ANKRD17: variants seen among roughly 807,000 people sequenced by gnomAD.
The protein encoded by ANKRD17 is ankyrin repeat domain-containing protein 17.
In ANKRD17, 19 loss-of-function variants were observed where a neutral mutation model predicts 229.7. That is an observed-to-expected ratio of 0.08 (90% CI 0.06 to 0.12). ANKRD17 has a LOEUF of 0.12. Ranked by LOEUF, ANKRD17 falls within the 10% of genes least tolerant of loss-of-function variation. The pLI is 1.00. For missense variants in ANKRD17, 2,176 were observed against 3,176.8 expected (o/e 0.68, Z 7.57); for synonymous variants, 1,112 against 1,146.1 (o/e 0.97, Z 0.60).
intron 1 of ANKRD17, among the ~76,000 whole-genome samples, chr4:73,250,041 G>C (rs564044453): frequency 6.6e-6 from 1 of 151,998 alleles, no homozygotes; most frequent in African/African-American, 2.4e-5. Context: ...AATCTATTTT[G>C]TGCAGATGTA....
At chr4:73,219,036 T>G (rs1299023555) in intron 1 of ANKRD17, among the ~76,000 whole-genome samples, 1 of 152,178 alleles carries the variant, frequency 6.6e-6, no homozygotes, top group Admixed American at 6.5e-5. Context: ...CACTCCAGCC[T>G]GGCAACACAG....
chr4:73,226,724 T>A (rs1005393565), intron 1 of ANKRD17, among the ~76,000 whole-genome samples: 2 of 152,070 alleles, frequency 1.3e-5, no homozygotes, highest in African/African-American at 4.8e-5. Context: ...TCTTTCTTTT[T>A]CTTTTTTGAG....
At chr4:73,163,418 G>A (rs1187637062) in intron 2 of ANKRD17, among the ~76,000 whole-genome samples, 3 of 152,146 alleles carry the variant, frequency 2.0e-5, no homozygotes, top group East Asian at 3.9e-4. Context: ...GCCCTACGAT[G>A]TACTGATCCA....
intron 11 of ANKRD17, among the ~76,000 whole-genome samples, chr4:73,143,172 T>C (rs964770281): frequency 2.6e-5 from 4 of 152,236 alleles, no homozygotes; most frequent in Admixed American, 2.6e-4. Context: ...ATGGGCTTTA[T>C]GTAGAGAATA....
chr4:73,190,162 A>G (rs1049489767), intron 1 of ANKRD17, among the ~76,000 whole-genome samples: 3 of 152,148 alleles, frequency 2.0e-5, no homozygotes, highest in African/African-American at 7.2e-5. Context: ...TGAGGTCAGG[A>G]GTTCGAGACC....
At chr4:73,222,876 C>G in intron 1 of ANKRD17, 16 of 972,396 alleles carry the variant, frequency 1.6e-5, no homozygotes, top group Middle Eastern at 2.1e-4. Context: ...CTTCTCTTTG[C>G]TCTCTCCTCT....
intron 16 of ANKRD17, among the ~76,000 whole-genome samples, chr4:73,131,950 C>T (rs748696223): frequency 6.6e-6 from 1 of 152,054 alleles, no homozygotes; most frequent in African/African-American, 2.4e-5. Context: ...TTTGTCACAG[C>T]ACAGTATTAT....
chr4:73,106,576 C>T (rs936529360), intron 24 of ANKRD17, among the ~76,000 whole-genome samples: 31 of 152,050 alleles, frequency 2.0e-4, no homozygotes, highest in African/African-American at 7.5e-4. Flanking sequence ...AGGCATCCCA[C>T]CTGTGTATTA....
chr4:73,190,412 T>C (rs777559384), intron 1 of ANKRD17, among the ~76,000 whole-genome samples: 10 of 151,896 alleles, frequency 6.6e-5, no homozygotes, highest in Non-Finnish European at 1.3e-4. Context: ...CTAAGATATA[T>C]ATTATTGTAG....
At chr4:73,194,398 T>C (rs1578347961) in intron 1 of ANKRD17, among the ~76,000 whole-genome samples, 2 of 152,254 alleles carry the variant, frequency 1.3e-5, no homozygotes, top group African/African-American at 2.4e-5. Context: ...TCAAGTATTA[T>C]GTATCTTCCC....
At position 73,140,048 on chromosome 4, in the gene ANKRD17, C is replaced by T; in HGVS notation, c.2568G>A (p.Glu856=). 6.2e-7 allele frequency: 1 copy of T among 1,614,118 alleles called. No individual in the cohort carries two copies. Among genetic ancestry groups the T allele is most frequent in the Non-Finnish European group, 8.5e-7 (1 of 1,180,030 alleles). The change falls in exon 15 of 34, where the codon GAG becomes GAA. Residue 856 remains glutamate, a synonymous_variant. Coordinates refer to ENST00000358602, the MANE Select transcript of ANKRD17 (RefSeq NM_032217.5). ...TCTTTTGTTTCTTCTGAATTTGTTC[C>T]TCCCTTGTTTTGTTGAGCTCCTCGA... ...EKIEELNKTR[E]EQIQKKQKIL... is the part of the protein sequence containing the mutation.
chr4:73,144,982 T>A (rs1348021778), intron 10 of ANKRD17, 150 bp from the exon 11 acceptor site: 14 of 545,046 alleles, frequency 2.6e-5, no homozygotes, highest in Non-Finnish European at 3.7e-5. Flanking sequence ...AATATACTTT[T>A]AAATTTAAAA....
intron 2 of ANKRD17, among the ~76,000 whole-genome samples, chr4:73,175,048 T>C (rs906785420): frequency 6.6e-6 from 1 of 152,218 alleles, no homozygotes; most frequent in African/African-American, 2.4e-5. Context: ...ACTAATGACA[T>C]TATTTACAGA....
At position 73,153,990 on chromosome 4, in the gene ANKRD17, C is replaced by G; in HGVS notation, c.1124G>C (p.Gly375Ala). 1 of 1,613,740 alleles carries G rather than the reference C, an allele frequency of 6.2e-7. No homozygotes were observed. The highest frequency in any genetic ancestry group is 1.3e-5 in the African/African-American group (1 of 75,004). ...ENGHTPLMEA[G>A]SAGHVEVARL... ...GGCTACTTCCACATGTCCAGCACTT[C>G]CAGCTTCCATAAGAGGGGTATGACC... The change falls in exon 6 of 34, where the codon GGA (glycine) becomes GCA (alanine). Residue 375 changes from glycine to alanine, a missense_variant. By Grantham distance (60) the Gly-to-Ala change is moderately conservative (BLOSUM62 0). Coordinates refer to ENST00000358602, the MANE Select transcript of ANKRD17 (RefSeq NM_032217.5).
intron 6 of ANKRD17, among the ~76,000 whole-genome samples, chr4:73,152,361 T>C (rs1578203147): frequency 6.6e-6 from 1 of 152,150 alleles, no homozygotes; most frequent in Non-Finnish European, 1.5e-5. Context: ...CTACCTACCA[T>C]CCCTTTTCCT....
chr4:73,237,679 C>T (rs979471318), intron 1 of ANKRD17, among the ~76,000 whole-genome samples: 2 of 152,120 alleles, frequency 1.3e-5, no homozygotes, highest in Admixed American at 1.3e-4. Context: ...ATCTAGAACC[C>T]TAGTATTATC....
chr4:73,236,932 T>A (rs1291866001), intron 1 of ANKRD17, among the ~76,000 whole-genome samples: 2 of 152,176 alleles, frequency 1.3e-5, no homozygotes, highest in African/African-American at 4.8e-5. Context: ...TCAAACTCTT[T>A]CCATATCATG....
intron 5 of ANKRD17, among the ~76,000 whole-genome samples, 157 bp downstream of exon 5, chr4:73,155,474 T>A (rs550683621): frequency 6.6e-6 from 1 of 152,312 alleles, no homozygotes; most frequent in South Asian, 2.1e-4. Flanking sequence ...TTGAAATATA[T>A]TCTATATACT....
chr4:73,158,152 A>AAAAGAAAGAAAAAGAAAGAAAGAAAG, intron 3 of ANKRD17, among the ~76,000 whole-genome samples: 1 of 128,808 alleles, frequency 7.8e-6, no homozygotes, highest in East Asian at 2.4e-4. Flanking sequence ...GAAAGGAAGA[A>AAAAGAAAGAAAAAGAAAGAAAGAAAG]AAAGAAAGAA....
Sources: gnomAD v4.1 joint callset for allele counts (sites outside exome capture counted in the v4.1 genomes callset) on GRCh38, gnomAD v4.1.1 for gene constraint, MANE v1.5 for transcripts, NCBI Gene and HGNC (gene_info 2026-07-23, HGNC 2026-07-21) for gene names.